DDX11: variants seen among roughly 807,000 people sequenced by gnomAD.
The protein encoded by DDX11 is DEAD/H-box helicase 11, also known as ATP-dependent DNA helicase DDX11.
In DDX11, 72 loss-of-function variants were observed where a neutral mutation model predicts 125.2. That is an observed-to-expected ratio of 0.58 (90% CI 0.48 to 0.70). The LOEUF is 0.70. Ranked by LOEUF, DDX11 falls within the 30% of genes least tolerant of loss-of-function variation. DDX11 has a pLI of 0.00. For synonymous variants in DDX11, 347 were observed against 452.6 expected, an observed-to-expected ratio of 0.77 and a Z score of 2.96; for missense variants, 883 against 1,165.0, an observed-to-expected ratio of 0.76 and a Z score of 3.52.
chr12:31,103,864 G>C lies in DDX11; in HGVS notation c.*28G>C, dbSNP rs530173896. ...GGCAACCACACCACTGCCTGGCGCC[G>C]TGCCCTTCCTTTGTCCTGCCCGCTG... On this transcript the variant is annotated 3_prime_UTR_variant, in exon 27 of 27. Transcript: ENST00000542838. 6.8e-6 allele frequency: 11 copies of C among 1,613,826 alleles called. No individual in the cohort carries two copies. The East Asian group carries it at 1.1e-4, about 16-fold the overall frequency.
rs994883495 is a variant in DDX11, at chr12:31,104,302, A to G, written c.*466A>G. 6 of 500,000 alleles carry G rather than the reference A, an allele frequency of 1.2e-5. No individual in the cohort carries two copies. Among genetic ancestry groups the G allele is most frequent in the African/African-American group, 3.9e-5 (2 of 51,608 alleles). 31.0% of individuals were successfully genotyped at this position (500,000 alleles called of 1,614,324 possible). On this transcript the variant is annotated 3_prime_UTR_variant, in exon 27 of 27. Transcript: ENST00000542838. The stretch of plus-strand genomic sequence containing the variant: ...CTCTGGTCTCAATTTAAAATGATCC[A>G]TGGCCACAGGGCTCCTGCCCAGGGG...
intron 1 of DDX11, among the ~76,000 whole-genome samples, chr12:31,075,808 A>C (rs1333473901): frequency 6.6e-6 from 1 of 152,238 alleles, no homozygotes; most frequent in Non-Finnish European, 1.5e-5. Context: ...TGGAACGTAT[A>C]TTCCAGTGAG....
chr12:31,082,644 C>CCCTGTGGACA (rs1942196672), intron 2 of DDX11, among the ~76,000 whole-genome samples: 1 of 151,910 alleles, frequency 6.6e-6, no homozygotes. Context: ...AGCTGAGTTC[C>CCCTGTGGACA]CCTGTGGACA....
intron 5 of DDX11, 89 bp downstream of exon 5, chr12:31,085,215 G>C (rs1942887066): frequency 1.3e-6 from 2 of 1,485,488 alleles, no homozygotes; most frequent in Admixed American, 3.9e-5. Flanking sequence ...ATGCCATGAA[G>C]CACCTGGCAA....
intron 5 of DDX11, chr12:31,085,932 GCCA>G (rs1943045321): frequency 2.3e-6 from 1 of 433,710 alleles, no homozygotes. Flanking sequence ...TGACATCCTG[GCCA>G]CCACATCTGT....
intron 5 of DDX11, 195 bp from the exon 6 acceptor site, chr12:31,087,743 A>G: frequency 3.3e-6 from 3 of 922,300 alleles, no homozygotes; most frequent in Non-Finnish European, 5.1e-6. Flanking sequence ...TTCCCTACCC[A>G]CAGACCTGAG....
intron 9 of DDX11, 98 bp downstream of exon 9, chr12:31,090,192 C>T: frequency 5.4e-6 from 5 of 932,456 alleles, no homozygotes; most frequent in Non-Finnish European, 8.5e-6. Flanking sequence ...GGGATGCCCC[C>T]CACCGTGGTC....
Position 31,101,567 on chromosome 12 carries a change from C to G in DDX11, c.2053-266C>G, listed in dbSNP as rs910333628. On this transcript the variant is annotated intron_variant, in intron 20 of 26. Coordinates refer to ENST00000542838, the MANE Select transcript of DDX11 (RefSeq NM_030653.4). ...GACAGAAGAAGGGAGGACTCAGTGC[C>G]AGGGCAATAGGGAGGCCCCCTAGGG... The G allele has an allele frequency of 3.2e-5, 17 of 537,708 alleles. No individual in the cohort carries two copies. In the Admixed American group the frequency reaches 5.3e-4, roughly 17 times the overall value. The allele number at this position is 537,708 out of a possible 1,614,324, so 33.3% of individuals were successfully genotyped here. A position where few individuals can be genotyped will look rare whatever the true frequency, so the allele number is the denominator to read the frequency against.
At chr12:31,103,500 G>A in intron 25 of DDX11, 77 bp from the exon 26 acceptor site, 3 of 1,610,224 alleles carry the variant, frequency 1.9e-6, no homozygotes, top group Non-Finnish European at 2.5e-6. Flanking sequence ...CTGAGGAAGG[G>A]GAGGGGGTCG....
Position 31,090,194 on chromosome 12 carries a change from A to C in DDX11, c.1089+100A>C. 5.4e-6 allele frequency: 5 copies of C among 931,922 alleles called. No homozygotes were observed. The South Asian group carries it at 7.1e-5, about 13-fold the overall frequency. 57.7% of individuals were successfully genotyped at this position (931,922 alleles called of 1,614,324 possible). A position where few individuals can be genotyped will look rare whatever the true frequency, so the allele number is the denominator to read the frequency against. On this transcript the variant is annotated intron_variant, in intron 9 of 26. Transcript: ENST00000542838. ...CACTGTAGTTTGGGGGATGCCCCCC[A>C]CCGTGGTCAGGTTGATGGCACCTTA...
intron 5 of DDX11, among the ~76,000 whole-genome samples, chr12:31,087,258 T>G (rs1943326121): frequency 1.3e-5 from 2 of 149,220 alleles, no homozygotes; most frequent in Admixed American, 1.3e-4. Flanking sequence ...ATTGGTCAGT[T>G]GTAGCTTCAT....
intron 8 of DDX11, 180 bp from the exon 9 acceptor site, chr12:31,089,706 T>A: frequency 7.7e-7 from 1 of 1,297,356 alleles, no homozygotes. Flanking sequence ...ACGGGCTCTT[T>A]CTGGAGAACA....
At chr12:31,092,107 C>G (rs1385772062) in intron 10 of DDX11, among the ~76,000 whole-genome samples, 1 of 152,254 alleles carries the variant, frequency 6.6e-6, no homozygotes. Flanking sequence ...CTCCTGAGTC[C>G]CTCCAGCCCT....
At chr12:31,089,845 G>C (rs1406021240) in intron 8 of DDX11, 41 bp from the exon 9 acceptor site, 3 of 1,609,692 alleles carry the variant, frequency 1.9e-6, no homozygotes, top group Non-Finnish European at 8.5e-7. Flanking sequence ...GACAGTTGCT[G>C]TCCTCTCTGT....
rs1238945021 is a variant in DDX11, at chr12:31,102,929, C to T, written c.2373-7C>T. On this transcript the variant is annotated splice_polypyrimidine_tract_variant and splice_region_variant and intron_variant, in intron 23 of 26. Transcript: ENST00000542838. ...CCACCTGCTGGGCTCTTGTCTCCCC[C>T]GCCCAGGTGTGTGGTGATGGTGGGC... is the stretch of plus-strand genomic sequence containing the variant. 20 of 1,613,786 alleles carry T rather than the reference C, an allele frequency of 1.2e-5. No homozygotes were observed. Among genetic ancestry groups the T allele is most frequent in the Admixed American group, 1.7e-5 (1 of 60,002 alleles).
rs1001036793 is a variant in DDX11, at chr12:31,096,950, T to G, written c.1722T>G (p.Thr574=). The change falls in exon 17 of 27, where the codon ACT becomes ACG. Residue 574 remains threonine (T), a synonymous_variant. Transcript: ENST00000542838. The stretch of plus-strand genomic sequence containing the variant: ...TCCAAGGCTTCCTGGCAGCTCTCAC[T>G]ACGGCCAACCAGGACGGCAGGGTCA... The part of the protein sequence containing the change: ...MHIQGFLAAL[T]TANQDGRVIL... The G allele has an allele frequency of 1.2e-6, 2 of 1,614,050 alleles. No individual in the cohort carries two copies. The highest frequency in any genetic ancestry group is 1.7e-6 in the Non-Finnish European group (2 of 1,180,008).
rs376112154 is a variant in DDX11 at position 31,075,611 on chromosome 12, T to C, written c.-5+1520T>C. 3.5e-4 allele frequency among the ~76,000 whole-genome samples: 54 copies of C among 152,250 alleles called. No homozygotes were observed. In the East Asian group the frequency reaches 7.5e-3, roughly 21 times the overall value. ...ATTAAAGAACTGGCCATTTAACTAA[T>C]AGGTATTCAAGTCATGGGACCTCCG... On this transcript the variant is annotated intron_variant, in intron 1 of 26. Transcript: ENST00000542838.
chr12:31,083,339 A>T (rs1942396583), intron 2 of DDX11, among the ~76,000 whole-genome samples: 1 of 150,842 alleles, frequency 6.6e-6, no homozygotes, highest in African/African-American at 2.4e-5. Context: ...AACAAAACAC[A>T]AACCGTAAGC....
At chr12:31,076,624 GTGT>G (rs1225673383) in intron 1 of DDX11, among the ~76,000 whole-genome samples, 2 of 152,194 alleles carry the variant, frequency 1.3e-5, no homozygotes, top group Non-Finnish European at 2.9e-5. Context: ...TATCCTTATA[GTGT>G]TGTACAGATT....
Sources: gnomAD v4.1 joint callset for allele counts (sites outside exome capture counted in the v4.1 genomes callset) on GRCh38, gnomAD v4.1.1 for gene constraint, MANE v1.5 for transcripts, NCBI Gene and HGNC (gene_info 2026-07-23, HGNC 2026-07-21) for gene names.